Variants in SGIP1 observed in about 807,000 individuals in gnomAD.
SGIP1 encodes SH3-containing GRB2-like protein 3-interacting protein 1.
A neutral mutation model predicts 107.5 loss-of-function variants in SGIP1; 38 were observed. The observed-to-expected ratio is 0.35, with a 90% CI of 0.27 to 0.46. The LOEUF (loss-of-function observed/expected upper bound fraction) is 0.46. SGIP1 is among the 20% of genes least tolerant of loss of function. SGIP1 has a pLI of 1.00. For synonymous variants in SGIP1, 365 were observed against 366.1 expected (o/e 1.00, Z 0.03); for missense variants, 929 against 1,019.5 (o/e 0.91, Z 1.21).
chr1:66,560,740 G>A (rs1354215887), intron 1 of SGIP1, among the ~76,000 whole-genome samples: 1 of 151,962 alleles, frequency 6.6e-6, no homozygotes, highest in Non-Finnish European at 1.5e-5. Flanking sequence ...ACAACATGTT[G>A]GACAAAAACA....
intron 1 of SGIP1, among the ~76,000 whole-genome samples, chr1:66,566,130 T>G (rs2059606219): frequency 6.6e-6 from 1 of 152,030 alleles, no homozygotes; most frequent in African/African-American, 2.4e-5. Context: ...TAGAATATGT[T>G]GGAACAACCA....
chr1:66,736,182 TAA>T (rs2094225498), intron 21 of SGIP1, among the ~76,000 whole-genome samples: 1 of 58,506 alleles, frequency 1.7e-5, no homozygotes. Flanking sequence ...TTCATAAATA[TAA>T]ATATTTATAC....
chr1:66,647,755 T>C (rs550084148), intron 7 of SGIP1, among the ~76,000 whole-genome samples: 6 of 152,328 alleles, frequency 3.9e-5, no homozygotes, highest in African/African-American at 1.2e-4. Flanking sequence ...GACACTCCAG[T>C]GTCCCTCTGT....
At position 66,635,915 on chromosome 1, in the gene SGIP1, T is replaced by A. The variant is rs763047261; in HGVS notation, c.100-29T>A. On this transcript the variant is annotated intron_variant, in intron 3 of 24. Coordinates refer to ENST00000371037, the MANE Select transcript of SGIP1 (RefSeq NM_032291.4). Reference sequence around the variant, plus strand: ...AGAACAAGCAGATCTTTTAACCACTTTTTTCTACATGAAAACAATCAATTC... The same window carrying A: ...AGAACAAGCAGATCTTTTAACCACTATTTTCTACATGAAAACAATCAATTC... 3.7e-6 allele frequency: 6 copies of A among 1,610,922 alleles called. No individual in the cohort carries two copies. In the African/African-American group the frequency reaches 8.0e-5, roughly 22 times the overall value.
chr1:66,540,510 C>T (rs920833113), intron 1 of SGIP1, among the ~76,000 whole-genome samples: 1 of 152,112 alleles, frequency 6.6e-6, no homozygotes, highest in Non-Finnish European at 1.5e-5. Flanking sequence ...TGGTTTATGA[C>T]CAAGCCTGAA....
At chr1:66,569,383 A>G (rs1379220336) in intron 1 of SGIP1, among the ~76,000 whole-genome samples, 5 of 151,854 alleles carry the variant, frequency 3.3e-5, no homozygotes, top group African/African-American at 4.8e-5. Context: ...GATAGTCTTT[A>G]TCAAATTGAG....
At chr1:66,564,302 T>G (rs907702252) in intron 1 of SGIP1, among the ~76,000 whole-genome samples, 1 of 151,860 alleles carries the variant, frequency 6.6e-6, no homozygotes, top group African/African-American at 2.4e-5. Flanking sequence ...CTCAGTCCAT[T>G]GACTCTTCTA....
At chr1:66,701,124 C>T (rs779747065) in intron 18 of SGIP1, among the ~76,000 whole-genome samples, 1 of 152,222 alleles carries the variant, frequency 6.6e-6, no homozygotes, top group African/African-American at 2.4e-5. Context: ...ACTTTCCTTA[C>T]CCTGACATAG....
chr1:66,686,509 A>G (rs563977301), intron 15 of SGIP1, among the ~76,000 whole-genome samples: 1 of 152,324 alleles, frequency 6.6e-6, no homozygotes, highest in South Asian at 2.1e-4. Context: ...TGAAAATTGA[A>G]GAGTGAGGAT....
chr1:66,702,000 G>T (rs945643276), intron 18 of SGIP1, among the ~76,000 whole-genome samples: 2 of 152,176 alleles, frequency 1.3e-5, no homozygotes, highest in East Asian at 1.9e-4. Context: ...ATATCATTTT[G>T]CTTGGATTCA....
chr1:66,660,604 G>T, intron 8 of SGIP1, 80 bp downstream of exon 8: 2 of 1,314,524 alleles, frequency 1.5e-6, no homozygotes, highest in South Asian at 1.2e-5. Flanking sequence ...TCTAATGACT[G>T]ACTGTGTTTA....
rs75492506 is a variant in SGIP1 at position 66,605,591 on chromosome 1, C to T, written c.11-20256C>T. On this transcript the variant is annotated intron_variant, in intron 1 of 24. Coordinates refer to ENST00000371037, the MANE Select transcript of SGIP1 (RefSeq NM_032291.4). Reference sequence around the variant, plus strand: ...CAGTCTGGATGTCACAAAACTACTGCGCTATCTAGTGTGTCTCAGAGCCCT... The same window carrying T: ...CAGTCTGGATGTCACAAAACTACTGTGCTATCTAGTGTGTCTCAGAGCCCT... 3.8e-3 allele frequency among the ~76,000 whole-genome samples: 583 copies of T among 151,436 alleles called. 3 individuals are homozygous for T. Among genetic ancestry groups the T allele is most frequent in the African/African-American group, 0.014 (564 of 41,198 alleles).
intron 15 of SGIP1, chr1:66,683,995 G>A: frequency 1.4e-6 from 2 of 1,466,252 alleles, no homozygotes; most frequent in Non-Finnish European, 1.8e-6. Flanking sequence ...GGGATTATAG[G>A]CTTGAGCTAC....
chr1:66,698,673 C>T (rs1012124684), intron 18 of SGIP1, among the ~76,000 whole-genome samples: 1 of 151,964 alleles, frequency 6.6e-6, no homozygotes, highest in Non-Finnish European at 1.5e-5. Flanking sequence ...CCACGGCGCC[C>T]GGCCCAAATG....
intron 1 of SGIP1, among the ~76,000 whole-genome samples, chr1:66,581,334 T>C (rs1218278901): frequency 6.6e-6 from 1 of 152,046 alleles, no homozygotes; most frequent in Non-Finnish European, 1.5e-5. Context: ...TCTTTTCTTG[T>C]ATGTAAATAG....
At position 66,642,797 on chromosome 1, in the gene SGIP1, T is replaced by A. The variant is rs1054947646; in HGVS notation, c.229-13T>A. The stretch of plus-strand genomic sequence containing the variant: ...AGGATAATAATTACTTCATGTGCAC[T>A]TGTGTTTTATAGAACTCACCTGAGC... On this transcript the variant is annotated splice_polypyrimidine_tract_variant and intron_variant, in intron 5 of 24. Coordinates refer to ENST00000371037, the MANE Select transcript of SGIP1 (RefSeq NM_032291.4). 1.2e-6 allele frequency: 2 copies of A among 1,603,442 alleles called. No homozygotes were observed. The highest frequency in any genetic ancestry group is 1.7e-6 in the Non-Finnish European group (2 of 1,174,290).
At chr1:66,723,221 G>T (rs2093617595) in intron 19 of SGIP1, among the ~76,000 whole-genome samples, 1 of 152,160 alleles carries the variant, frequency 6.6e-6, no homozygotes, top group African/African-American at 2.4e-5. Context: ...TGCAGCAAAG[G>T]CATTTGGATT....
rs2150796185 is a variant in SGIP1, at chr1:66,743,814, A to C, written c.*719A>C. On this transcript the variant is annotated 3_prime_UTR_variant, in exon 25 of 25. Transcript: ENST00000371037. ...CCTCTTATTTTTATAACTTGTGTAA[A>C]AAGGGAAAGCAATTCATATTTAAAG... 2.0e-5 allele frequency: 3 copies of C among 152,758 alleles called. No individual in the cohort carries two copies. In the South Asian group the frequency reaches 6.2e-4, roughly 32 times the overall value. 9.5% of individuals were successfully genotyped at this position (152,758 alleles called of 1,614,324 possible).
chr1:66,556,185 G>T (rs945038110), intron 1 of SGIP1, among the ~76,000 whole-genome samples: 2 of 152,074 alleles, frequency 1.3e-5, no homozygotes, highest in African/African-American at 4.8e-5. Context: ...TTCAGCTCTT[G>T]CTTATTCATA....
Sources: allele counts gnomAD v4.1 joint callset (sites outside exome capture counted in the v4.1 genomes callset), GRCh38; gene constraint gnomAD v4.1.1; transcripts MANE v1.5; gene names NCBI Gene and HGNC (gene_info 2026-07-23, HGNC 2026-07-21).